Variants in EPRS1 observed in about 807,000 individuals in gnomAD.
EPRS1 encodes glutamyl-prolyl-tRNA synthetase 1.
A neutral mutation model predicts 188.3 loss-of-function variants in EPRS1; 107 were observed. The ratio of observed to expected loss-of-function variants is 0.57; its 90% CI spans 0.49 to 0.67. EPRS1 has a LOEUF of 0.67. EPRS1 is among the 30% of genes least tolerant of loss of function. EPRS1 has a pLI of 0.00. For synonymous variants in EPRS1, 596 were observed against 593.1 expected (o/e 1.00, Z -0.07); for missense variants, 1,577 against 1,802.2 (o/e 0.88, Z 2.26).
chr1:219,968,869 T>C lies in EPRS1; in HGVS notation c.4476A>G (p.Gly1492=), dbSNP rs746770023. Residue 1492 remains glycine (G), a synonymous_variant, in exon 32 of 32, where the codon GGA becomes GGG. Coordinates refer to ENST00000366923, the MANE Select transcript of EPRS1 (RefSeq NM_004446.3). ...PFKPLCELQP[G]AKCVCGKNPA... ...GGTTCTTGCCACAGACACATTTGGC[T>C]CCAGGCTGCAGTTCACAGAGTGGTT... 1 of 1,614,006 alleles carries C rather than the reference T, an allele frequency of 6.2e-7. No individual in the cohort carries two copies. The highest frequency in any genetic ancestry group is 8.5e-7 in the Non-Finnish European group (1 of 1,179,994).
At chr1:220,006,698 C>T (rs934378086) in intron 14 of EPRS1, among the ~76,000 whole-genome samples, 12 of 152,212 alleles carry the variant, frequency 7.9e-5, no homozygotes, top group African/African-American at 2.6e-4. Flanking sequence ...GTAATAACTA[C>T]GCAATTAAGA....
chr1:220,024,041 A>G (rs1220430965), intron 8 of EPRS1, among the ~76,000 whole-genome samples: 1 of 152,152 alleles, frequency 6.6e-6, no homozygotes, highest in Non-Finnish European at 1.5e-5. Context: ...CATCCCAGCT[A>G]CTTGGGAGGC....
At chr1:220,016,711 CTTTT>C (rs57900764) in intron 12 of EPRS1, among the ~76,000 whole-genome samples, 2 of 128,250 alleles carry the variant, frequency 1.6e-5, no homozygotes, top group Non-Finnish European at 3.2e-5. Flanking sequence ...GAGAACCTGG[CTTTT>C]TTTTTTTTTT....
At chr1:220,034,238 A>C (rs1662136044) in intron 3 of EPRS1, among the ~76,000 whole-genome samples, 1 of 152,220 alleles carries the variant, frequency 6.6e-6, no homozygotes, top group Admixed American at 6.5e-5. Flanking sequence ...TTAGATACAC[A>C]AATACGTATT....
At chr1:219,976,899 T>A (rs1354352423) in intron 28 of EPRS1, among the ~76,000 whole-genome samples, 1 of 152,200 alleles carries the variant, frequency 6.6e-6, no homozygotes, top group Non-Finnish European at 1.5e-5. Flanking sequence ...AGAATTATCT[T>A]ACTCTTTCCA....
At chr1:220,005,835 T>TG (rs1661454675) in intron 15 of EPRS1, among the ~76,000 whole-genome samples, 1 of 43,532 alleles carries the variant, frequency 2.3e-5, no homozygotes, top group African/African-American at 9.9e-5. Flanking sequence ...TTTTGTTTTT[T>TG]TTTTTGTTTT....
chr1:220,006,493 A>C (rs189537667), intron 14 of EPRS1, among the ~76,000 whole-genome samples, 180 bp from the exon 15 acceptor site: 12 of 152,218 alleles, frequency 7.9e-5, no homozygotes, highest in Non-Finnish European at 2.9e-5. Flanking sequence ...AGCTTCTAAC[A>C]TGCCAGACAT....
intron 10 of EPRS1, among the ~76,000 whole-genome samples, chr1:220,019,556 G>C (rs982521761): frequency 2.6e-5 from 4 of 152,186 alleles, no homozygotes; most frequent in African/African-American, 7.2e-5. Context: ...TAAGTATGCA[G>C]TAATACCCTT....
intron 3 of EPRS1, among the ~76,000 whole-genome samples, chr1:220,034,025 T>G (rs543120814): frequency 6.6e-6 from 1 of 152,264 alleles, no homozygotes; most frequent in African/African-American, 2.4e-5. Flanking sequence ...CTTGAAAAAT[T>G]TAAAAGTTAG....
rs1661251986 is a variant in EPRS1 at position 219,997,129 on chromosome 1, A to G, written c.2395T>C (p.Tyr799His). Residue 799 changes from tyrosine (Y) to histidine (H), a missense_variant, in exon 18 of 32, where the codon TAT (tyrosine) becomes CAT (histidine). Coordinates refer to ENST00000366923, the MANE Select transcript of EPRS1 (RefSeq NM_004446.3). ...TCAGCAGGAGGGTTTCCAGGTTTAT[A>G]TTCCTGGCCAGTTTTCTCCTTATAT... The part of the protein sequence containing the change: ...AEYKEKTGQE[Y>H]KPGNPPAEIG... 1 of 1,613,942 alleles carries G rather than the reference A, an allele frequency of 6.2e-7. No homozygotes were observed. The highest frequency in any genetic ancestry group is 1.3e-5 in the African/African-American group (1 of 74,920).
At chr1:220,027,144 G>A (rs1213272922) in intron 6 of EPRS1, among the ~76,000 whole-genome samples, 1 of 151,446 alleles carries the variant, frequency 6.6e-6, no homozygotes, top group Admixed American at 6.6e-5. Context: ...ACAAAAATTG[G>A]CCAGGCACGG....
chr1:219,984,460 C>G (rs1660964334), intron 20 of EPRS1, among the ~76,000 whole-genome samples: 1 of 152,116 alleles, frequency 6.6e-6, no homozygotes, highest in Admixed American at 6.5e-5. Context: ...ACTCTGTCAC[C>G]CAGGCTGGAG....
At chr1:220,032,235 C>T (rs1025857635) in intron 5 of EPRS1, 152 bp downstream of exon 5, 13 of 543,196 alleles carry the variant, frequency 2.4e-5, no homozygotes, top group African/African-American at 1.5e-4. Context: ...CCATCACGCC[C>T]GGCTAATTTT....
intron 28 of EPRS1, 43 bp from the exon 29 acceptor site, chr1:219,973,441 C>T (rs771016663): frequency 7.1e-7 from 1 of 1,413,136 alleles, no homozygotes; most frequent in South Asian, 1.3e-5. Flanking sequence ...ATGAATGTCT[C>T]CAGTTGAATA....
rs756224134 is a variant in EPRS1 at position 220,005,335 on chromosome 1, GGAT to G, written c.1973_1975del (p.Asp658_Pro659delinsAla). 1.3e-6 allele frequency: 2 copies of G among 1,589,560 alleles called. No individual in the cohort carries two copies. Among genetic ancestry groups the G allele is most frequent in the Admixed American group, 3.4e-5 (2 of 58,080 alleles). ...TCCTTTTTTCAAATCCTTAAGGCAG[GGAT>G]CCCCTAGCATTAGCTCTTCATGCTG... On this transcript the variant is annotated inframe_deletion, in exon 16 of 32. Coordinates refer to ENST00000366923, the MANE Select transcript of EPRS1 (RefSeq NM_004446.3).
At position 220,002,048 on chromosome 1, in the gene EPRS1, G is replaced by C. The variant is rs917707838; in HGVS notation, c.2064-793C>G. Reference sequence around the variant, plus strand: ...TGTCTCCAAAGAAAAAAAAAAAATTGGTCAGCCGTGGTGGCTCATGACTCT... The same window carrying C: ...TGTCTCCAAAGAAAAAAAAAAAATTCGTCAGCCGTGGTGGCTCATGACTCT... On this transcript the variant is annotated intron_variant, in intron 16 of 31. Coordinates refer to ENST00000366923, the MANE Select transcript of EPRS1 (RefSeq NM_004446.3). 7.9e-5 allele frequency among the ~76,000 whole-genome samples: 12 copies of C among 151,228 alleles called. No individual in the cohort carries two copies. In the East Asian group the frequency reaches 2.4e-3, roughly 30 times the overall value.
intron 28 of EPRS1, among the ~76,000 whole-genome samples, chr1:219,975,383 G>A (rs947589285): frequency 1.4e-4 from 21 of 152,176 alleles, no homozygotes; most frequent in African/African-American, 4.8e-4. Flanking sequence ...TCAGAAAAGG[G>A]AATTACAAGC....
intron 3 of EPRS1, 69 bp from the exon 4 acceptor site, chr1:220,033,727 A>G: frequency 1.7e-6 from 2 of 1,195,098 alleles, no homozygotes; most frequent in South Asian, 2.6e-5. Context: ...AGACCATAAA[A>G]AAATTCTAGT....
At chr1:220,010,817 AAAAAAAAAG>A (rs981791324) in intron 13 of EPRS1, 120 bp downstream of exon 13, 11 of 595,262 alleles carry the variant, frequency 1.8e-5, no homozygotes, top group Non-Finnish European at 2.9e-5. Context: ...TCAAAAAAAA[AAAAAAAAAG>A]AAAGAAAGAA....
Sources: allele counts gnomAD v4.1 joint callset (sites outside exome capture counted in the v4.1 genomes callset), GRCh38; gene constraint gnomAD v4.1.1; transcripts MANE v1.5; gene names NCBI Gene and HGNC (gene_info 2026-07-23, HGNC 2026-07-21).